The following SPATA13 variants were observed in gnomAD, a reference collection of about 807,000 sequenced individuals.
The protein encoded by SPATA13 is spermatogenesis associated 13.
SPATA13 carries 50 observed loss-of-function variants against 104.0 expected under a neutral mutation model. The ratio of observed to expected loss-of-function variants is 0.48; its 90% CI spans 0.38 to 0.61. SPATA13 has a LOEUF of 0.61. Among genes scored for constraint, SPATA13 ranks in the 20% least tolerant of loss-of-function variants. The pLI is 0.00. For synonymous variants in SPATA13, 606 were observed against 667.5 expected (o/e 0.91, Z 1.42); for missense variants, 1,524 against 1,690.6 (o/e 0.90, Z 1.73).
chr13:24,233,197 A>G (rs1872380217), intron 2 of SPATA13, among the ~76,000 whole-genome samples: 2 of 152,204 alleles, frequency 1.3e-5, no homozygotes, highest in Admixed American at 1.3e-4. Flanking sequence ...ACAGAATTTG[A>G]ATCACAAAAA....
intron 3 of SPATA13, among the ~76,000 whole-genome samples, chr13:24,021,805 G>A (rs1048176928): frequency 5.3e-5 from 8 of 151,514 alleles, no homozygotes; most frequent in Non-Finnish European, 1.0e-4. Flanking sequence ...TCCACCTCCC[G>A]GGTTCACACC....
chr13:24,191,051 AAAAAAGAT>A (rs1869704798), intron 1 of SPATA13, among the ~76,000 whole-genome samples: 1 of 152,182 alleles, frequency 6.6e-6, no homozygotes, highest in Admixed American at 6.5e-5. Context: ...CCTCCACCAG[AAAAAAGAT>A]TAGGACTTGC....
In SPATA13 at chr13:24,286,261, T is replaced by C. The variant is rs757900333; in HGVS notation, c.2349T>C (p.His783=). The C allele has an allele frequency of 3.3e-5, 54 of 1,613,894 alleles. No homozygotes were observed. Among genetic ancestry groups the C allele is most frequent in the Non-Finnish European group, 4.5e-5 (53 of 1,180,022 alleles). Residue 783 remains histidine (H), a synonymous_variant, in exon 6 of 13, where the codon CAT becomes CAC. Transcript: ENST00000382108. The surrounding 1 kb of genome is among the most constrained non-coding windows in gnomAD (Gnocchi z 4.9). ...NVVCAEALWD[H]VTMDDQELGF... is the part of the protein sequence containing the mutation. Reference sequence around the variant, plus strand: ...TCTGCGCAGAAGCCCTGTGGGACCATGTGACCATGGATGACCAGGAACTGG... The same window carrying C: ...TCTGCGCAGAAGCCCTGTGGGACCACGTGACCATGGATGACCAGGAACTGG...
chr13:24,184,293 G>A (rs1036532327), intron 1 of SPATA13, among the ~76,000 whole-genome samples: 2 of 152,194 alleles, frequency 1.3e-5, no homozygotes, highest in Non-Finnish European at 2.9e-5. Flanking sequence ...CTGAACCCAA[G>A]GAGCCAGATT....
chr13:24,067,773 C>T (rs546442996), intron 3 of SPATA13, among the ~76,000 whole-genome samples: 5 of 152,220 alleles, frequency 3.3e-5, no homozygotes, highest in South Asian at 2.1e-4. Context: ...GACATGATCT[C>T]GGGTCACTGC....
At chr13:24,279,550 C>G (rs1196551977) in intron 4 of SPATA13, among the ~76,000 whole-genome samples, 1 of 152,112 alleles carries the variant, frequency 6.6e-6, no homozygotes, top group South Asian at 2.1e-4. Context: ...GGAGGGGACC[C>G]AGGCTTGAGT....
At chr13:24,114,787 C>T (rs1198166610) in intron 3 of SPATA13, among the ~76,000 whole-genome samples, 2 of 152,052 alleles carry the variant, frequency 1.3e-5, no homozygotes, top group African/African-American at 2.4e-5. Context: ...CTCAGCCTCC[C>T]GAGTAGCTGA....
At chr13:24,227,062 G>T (rs779309371) in intron 2 of SPATA13, among the ~76,000 whole-genome samples, 18 of 152,160 alleles carry the variant, frequency 1.2e-4, no homozygotes, top group Non-Finnish European at 2.1e-4. Context: ...GACTTAGGAA[G>T]GAGTTCCAGT....
chr13:24,136,488 GAAGAAAGA>G (rs1172138187), intron 3 of SPATA13, among the ~76,000 whole-genome samples: 1 of 151,176 alleles, frequency 6.6e-6, no homozygotes, highest in Admixed American at 6.6e-5. Context: ...AAAAGAAAGA[GAAGAAAGA>G]AAGAAAGTGA....
intron 3 of SPATA13, among the ~76,000 whole-genome samples, chr13:24,150,889 G>A (rs907168946): frequency 3.3e-5 from 5 of 152,088 alleles, no homozygotes; most frequent in African/African-American, 4.8e-5. Flanking sequence ...ACAGCCACAC[G>A]GAGACTGCTG....
At chr13:24,042,396 C>A (rs767700548) in intron 3 of SPATA13, among the ~76,000 whole-genome samples, 3 of 152,146 alleles carry the variant, frequency 2.0e-5, no homozygotes, top group Non-Finnish European at 4.4e-5. Context: ...TGGAAAGATC[C>A]ATAGGCCGCT....
At chr13:24,234,942 T>G (rs1419446667) in intron 2 of SPATA13, among the ~76,000 whole-genome samples, 1 of 152,226 alleles carries the variant, frequency 6.6e-6, no homozygotes, top group Non-Finnish European at 1.5e-5. Context: ...GAAAGACACT[T>G]GACCTACTTA....
At chr13:23,990,107 C>T (rs2137657691) in intron 2 of SPATA13, among the ~76,000 whole-genome samples, 1 of 152,310 alleles carries the variant, frequency 6.6e-6, no homozygotes, top group Admixed American at 6.5e-5. Context: ...TCCAGTGTGT[C>T]CACCACCCTG....
At chr13:24,278,873 T>TTTCTTTCC in intron 4 of SPATA13, 2 of 1,114,068 alleles carry the variant, frequency 1.8e-6, no homozygotes, top group South Asian at 3.3e-5. Flanking sequence ...GCTGTTTTTC[T>TTTCTTTCC]TTCCTTCCTT....
chr13:24,285,309 G>A (rs1008906343), intron 5 of SPATA13, among the ~76,000 whole-genome samples: 2 of 152,138 alleles, frequency 1.3e-5, no homozygotes, highest in Non-Finnish European at 2.9e-5. Context: ...AAGTATGAAT[G>A]ATCCACACTG....
At chr13:24,101,337 A>G in intron 3 of SPATA13, among the ~76,000 whole-genome samples, 1 of 152,226 alleles carries the variant, frequency 6.6e-6, no homozygotes, top group East Asian at 1.9e-4. Context: ...CCTCAGTTCA[A>G]CAGCATTATG....
intron 1 of SPATA13, among the ~76,000 whole-genome samples, chr13:24,219,933 A>G (rs143075723): frequency 7.8e-4 from 119 of 152,304 alleles, no homozygotes; most frequent in Non-Finnish European, 1.4e-3. Context: ...TTCAACCCTG[A>G]AAGTCCCATA....
chr13:24,202,316 C>T (rs1166239700), intron 1 of SPATA13, among the ~76,000 whole-genome samples: 1 of 151,738 alleles, frequency 6.6e-6, no homozygotes, highest in Non-Finnish European at 1.5e-5. Context: ...CCCCAGAACC[C>T]TCTTTTGTTT....
At chr13:24,291,756 A>ATTTTTTATTTTTTATTTTTTTTT (rs1566197950) in intron 9 of SPATA13, among the ~76,000 whole-genome samples, 1 of 136,468 alleles carries the variant, frequency 7.3e-6, no homozygotes, top group Non-Finnish European at 1.6e-5. Context: ...TTATTTTTTT[A>ATTTTTTATTTTTTATTTTTTTTT]TTTTTTTTTT....
Sources: allele counts gnomAD v4.1 joint callset (sites outside exome capture counted in the v4.1 genomes callset), GRCh38; gene constraint gnomAD v4.1.1; non-coding constraint Gnocchi (gnomAD v3.1); transcripts MANE v1.5; gene names NCBI Gene and HGNC (gene_info 2026-07-23, HGNC 2026-07-21).